The following CABLES1 variants were observed in gnomAD, a reference collection of about 807,000 sequenced individuals.
CABLES1 encodes the protein Cdk5 and Abl enzyme substrate 1, also known as CDK5 and ABL1 enzyme substrate 1.
In CABLES1, 36 loss-of-function variants were observed where a neutral mutation model predicts 57.8. The observed-to-expected ratio is 0.62, with a 90% CI of 0.48 to 0.82. The LOEUF is 0.82. CABLES1 is among the 40% of genes least tolerant of loss of function. The pLI is 0.00. For synonymous variants in CABLES1, 374 were observed against 363.0 expected (o/e 1.03, Z -0.35); for missense variants, 767 against 836.6 (o/e 0.92, Z 1.03).
chr18:23,165,736 T>G (rs1053287950), intron 1 of CABLES1, among the ~76,000 whole-genome samples: 1 of 152,236 alleles, frequency 6.6e-6, no homozygotes. Flanking sequence ...TGCAAAACTT[T>G]GCTTATTCGT....
chr18:23,223,875 C>T (rs570298901), intron 4 of CABLES1, among the ~76,000 whole-genome samples: 1 of 152,114 alleles, frequency 6.6e-6, no homozygotes, highest in Admixed American at 6.5e-5. Context: ...GTTGTGCCCA[C>T]GCCTTTCAAA....
intron 1 of CABLES1, among the ~76,000 whole-genome samples, chr18:23,176,782 T>G (rs1055566403): frequency 6.6e-6 from 1 of 152,134 alleles, no homozygotes; most frequent in African/African-American, 2.4e-5. Context: ...CTATAGATAA[T>G]TGCATGCAGT....
intron 1 of CABLES1, among the ~76,000 whole-genome samples, chr18:23,175,401 A>C (rs2047115959): frequency 6.6e-6 from 1 of 152,166 alleles, no homozygotes; most frequent in Non-Finnish European, 1.5e-5. Flanking sequence ...TTCATTTTTG[A>C]CCTCATTCCT....
Position 23,259,415 on chromosome 18 carries a change from C to G in CABLES1, c.*2048C>G, listed in dbSNP as rs958618509. The stretch of plus-strand genomic sequence containing the variant: ...TGAGTCCTTTCCTGTGTGATAAAAT[C>G]AGGCTAATTTACTTGGATTTGGGGT... On this transcript the variant is annotated 3_prime_UTR_variant, in exon 10 of 10. Transcript: ENST00000256925. 4 of 152,200 alleles carry G rather than the reference C, an allele frequency of 2.6e-5. No individual in the cohort carries two copies. Among genetic ancestry groups the G allele is most frequent in the Admixed American group, 6.5e-5 (1 of 15,276 alleles). The allele number at this position is 152,200 out of a possible 1,614,324, so 9.4% of individuals were successfully genotyped here.
At chr18:23,156,235 A>T (rs2046965015) in intron 1 of CABLES1, among the ~76,000 whole-genome samples, 1 of 152,152 alleles carries the variant, frequency 6.6e-6, no homozygotes, top group African/African-American at 2.4e-5. Context: ...TCACATGGAT[A>T]AGAAGGAACC....
rs200821321 is a variant in CABLES1 at position 23,246,460 on chromosome 18, T to C, written c.1447-6500T>C. On this transcript the variant is annotated intron_variant, in intron 7 of 9. Coordinates refer to ENST00000256925, the MANE Select transcript of CABLES1 (RefSeq NM_001100619.3). Reference sequence around the variant, plus strand: ...AGGCTGAAGTGCAGTGGCAAGATCTTGGCTCACTGCAAGCTCCGCCTCCCG... The same window carrying C: ...AGGCTGAAGTGCAGTGGCAAGATCTCGGCTCACTGCAAGCTCCGCCTCCCG... Among the ~76,000 whole-genome samples, 147 of 152,124 alleles carry C rather than the reference T, an allele frequency of 9.7e-4. 1 individual carries two copies. Among genetic ancestry groups the C allele is most frequent in the East Asian group, 5.0e-3 (26 of 5,152 alleles).
chr18:23,225,665 T>C (rs937472856), intron 4 of CABLES1, among the ~76,000 whole-genome samples: 4 of 152,240 alleles, frequency 2.6e-5, no homozygotes, highest in African/African-American at 9.6e-5. Flanking sequence ...GTCCCAGCCT[T>C]AAACCAGCTC....
At chr18:23,228,343 TA>T (rs2047542999) in intron 4 of CABLES1, among the ~76,000 whole-genome samples, 1 of 152,210 alleles carries the variant, frequency 6.6e-6, no homozygotes, top group Non-Finnish European at 1.5e-5. Flanking sequence ...TTATGATTAA[TA>T]ATGACCTAGG....
intron 4 of CABLES1, among the ~76,000 whole-genome samples, chr18:23,221,502 A>C (rs1349412635): frequency 6.6e-6 from 1 of 152,156 alleles, no homozygotes; most frequent in Non-Finnish European, 1.5e-5. Flanking sequence ...TGTGGTTTTC[A>C]GGTACCTTAC....
At position 23,135,930 on chromosome 18, in the gene CABLES1, C is replaced by T. The variant is rs576585763; in HGVS notation, c.168C>T (p.Arg56=). 92 of 1,109,978 alleles carry T rather than the reference C, an allele frequency of 8.3e-5. 1 individual carries two copies. The South Asian group carries it at 3.0e-3, about 36-fold the overall frequency. 68.8% of individuals were successfully genotyped at this position (1,109,978 alleles called of 1,614,324 possible). The stretch of plus-strand genomic sequence containing the variant: ...CGCCCGAACCCCCCCGGAAGCCGCG[C>T]ATGGACCCGCGGCGCCGCCAGGCTG... ...QPPPEPPRKP[R]MDPRRRQAAL... Residue 56 remains arginine, a synonymous_variant, in exon 1 of 10, where the codon CGC becomes CGT. Transcript: ENST00000256925.
In CABLES1 at chr18:23,136,059, C is replaced by T. The variant is rs1311294966; in HGVS notation, c.297C>T (p.Gly99=). Residue 99 remains glycine (G), a synonymous_variant, in exon 1 of 10, where the codon GGC becomes GGT. Transcript: ENST00000256925. ...EEGGAAKPGA[G]GACGARTRFS... is the part of the protein sequence containing the mutation. ...GCGGCGCGGCCAAGCCGGGCGCCGG[C>T]GGCGCCTGCGGCGCGAGGACTCGGT... 9.9e-6 allele frequency: 7 copies of T among 705,068 alleles called. No individual in the cohort carries two copies. Among genetic ancestry groups the T allele is most frequent in the African/African-American group, 6.1e-5 (2 of 32,832 alleles). The allele number at this position is 705,068 out of a possible 1,614,324, so 43.7% of individuals were successfully genotyped here.
At chr18:23,246,913 G>A (rs912246698) in intron 7 of CABLES1, among the ~76,000 whole-genome samples, 7 of 152,110 alleles carry the variant, frequency 4.6e-5, no homozygotes, top group East Asian at 1.9e-4. Flanking sequence ...AGCTGGTCTC[G>A]AACTCCTGAC....
At chr18:23,157,483 C>G (rs1162449919) in intron 1 of CABLES1, among the ~76,000 whole-genome samples, 2 of 152,080 alleles carry the variant, frequency 1.3e-5, no homozygotes, top group African/African-American at 2.4e-5. Context: ...CCCTGTTGAT[C>G]AGGAAGCCAA....
intron 7 of CABLES1, among the ~76,000 whole-genome samples, chr18:23,251,459 T>TA (rs954582641): frequency 1.3e-5 from 2 of 150,572 alleles, no homozygotes; most frequent in East Asian, 3.9e-4. Context: ...TCAAAAAAAA[T>TA]AAAAAAAGAT....
At chr18:23,208,367 T>G (rs2047379482) in intron 3 of CABLES1, among the ~76,000 whole-genome samples, 1 of 151,938 alleles carries the variant, frequency 6.6e-6, no homozygotes, top group African/African-American at 2.4e-5. Flanking sequence ...ACAAGAACAT[T>G]TTGTTGGTGG....
rs114921816 is a variant in CABLES1, at chr18:23,158,998, G to A, written c.845+22391G>A. ...TTGCTTGTTTTTGAGACAGGGTATC[G>A]TTCAGTTGCCCAGGCTTGAGTGCAG... On this transcript the variant is annotated intron_variant, in intron 1 of 9. Coordinates refer to ENST00000256925, the MANE Select transcript of CABLES1 (RefSeq NM_001100619.3). 2.7e-3 allele frequency among the ~76,000 whole-genome samples: 417 copies of A among 152,230 alleles called. 1 individual carries two copies. The highest frequency in any genetic ancestry group is 9.7e-3 in the African/African-American group (402 of 41,534).
chr18:23,151,501 C>T (rs1415255350), intron 1 of CABLES1, among the ~76,000 whole-genome samples: 1 of 152,118 alleles, frequency 6.6e-6, no homozygotes, highest in Non-Finnish European at 1.5e-5. Flanking sequence ...GGAGGTAGAG[C>T]TGATAGAACT....
Position 23,258,278 on chromosome 18 carries a change from A to ATGTT in CABLES1, c.*912_*915dup, listed in dbSNP as rs1218803071. 2 of 152,754 alleles carry ATGTT rather than the reference A, an allele frequency of 1.3e-5. No homozygotes were observed. The highest frequency in any genetic ancestry group is 3.9e-4 in the East Asian group (2 of 5,186). The allele number at this position is 152,754 out of a possible 1,614,324, so 9.5% of individuals were successfully genotyped here. A position where few individuals can be genotyped will look rare whatever the true frequency, so the allele number is the denominator to read the frequency against. On this transcript the variant is annotated 3_prime_UTR_variant, in exon 10 of 10. Transcript: ENST00000256925. ...CCCACAGTGTGTATTCCTGTCCTCTATGTTAGAGTGCATCAGAAGCACATT... is the reference window on the plus strand; with the variant it reads ...CCCACAGTGTGTATTCCTGTCCTCTATGTTTGTTAGAGTGCATCAGAAGCACATT...
intron 1 of CABLES1, among the ~76,000 whole-genome samples, chr18:23,157,694 A>G (rs2046974889): frequency 6.6e-6 from 1 of 152,112 alleles, no homozygotes; most frequent in African/African-American, 2.4e-5. Flanking sequence ...TTTCTATATG[A>G]TTTAATTAGA....
Sources: gnomAD v4.1 joint callset for allele counts (sites outside exome capture counted in the v4.1 genomes callset) on GRCh38, gnomAD v4.1.1 for gene constraint, MANE v1.5 for transcripts, NCBI Gene and HGNC (gene_info 2026-07-23, HGNC 2026-07-21) for gene names.